The following EPN2 variants were observed in gnomAD, a reference collection of about 807,000 sequenced individuals.
EPN2 encodes the protein epsin-2.
In EPN2, 34 loss-of-function variants were observed where a neutral mutation model predicts 61.7. That is an observed-to-expected ratio of 0.55 (90% CI 0.42 to 0.73). EPN2 has a LOEUF of 0.73. EPN2 is among the 30% of genes least tolerant of loss of function. The pLI is 0.00. For synonymous variants in EPN2, 349 were observed against 353.6 expected (o/e 0.99, Z 0.15); for missense variants, 714 against 839.2 (o/e 0.85, Z 1.84).
At position 19,332,000 on chromosome 17, in the gene EPN2, T is replaced by A; in HGVS notation, c.1559T>A (p.Val520Glu). 8 of 1,613,924 alleles carry A rather than the reference T, an allele frequency of 5.0e-6. No homozygotes were observed. Among genetic ancestry groups the A allele is most frequent in the Non-Finnish European group, 6.8e-6 (8 of 1,180,004 alleles). ...ESFLGPNAALVNLDSLVTRPA... is the reference protein window; with the variant it reads ...ESFLGPNAALENLDSLVTRPA... ...TTCCTGGGCCCCAACGCGGCCCTGG[T>A]GAACCTGGACTCACTGGTGACCAGG... The change falls in exon 10 of 11, where the codon GTG (valine) becomes GAG (glutamate). Residue 520 changes from valine (V) to glutamate (E), a missense_variant. Val to Glu is a moderately radical substitution (Grantham distance 121). Transcript: ENST00000314728.
chr17:19,256,374 C>G (rs2045078672), intron 1 of EPN2, among the ~76,000 whole-genome samples: 1 of 144,262 alleles, frequency 6.9e-6, no homozygotes, highest in Non-Finnish European at 1.5e-5. Flanking sequence ...TTGCTTGAGA[C>G]CAGAAGTTTG....
At chr17:19,267,137 C>T (rs2045208118) in intron 1 of EPN2, among the ~76,000 whole-genome samples, 1 of 151,816 alleles carries the variant, frequency 6.6e-6, no homozygotes, top group South Asian at 2.1e-4. Context: ...CTGCGCCCGG[C>T]CTAAATGTTC....
chr17:19,276,773 G>GTTTTTTTTTTTTTTTTTTTTTTTTTT (rs80078595), intron 1 of EPN2, among the ~76,000 whole-genome samples: 13 of 119,322 alleles, frequency 1.1e-4, no homozygotes, highest in African/African-American at 4.6e-4. Flanking sequence ...ATGAGAATAA[G>GTTTTTTTTTTTTTTTTTTTTTTTTTT]TTTTTTTTTT....
rs1440418008 is a variant in EPN2, at chr17:19,335,596, A to G, written c.*1342A>G. The stretch of plus-strand genomic sequence containing the variant: ...TTCTGTGCCCACGGGTCCCTGGGCA[A>G]CAGTCCCTAGGCTAAGACAGGGGTG... On this transcript the variant is annotated 3_prime_UTR_variant, in exon 11 of 11. Coordinates refer to ENST00000314728, the MANE Select transcript of EPN2 (RefSeq NM_014964.5). 2.9e-5 allele frequency: 24 copies of G among 833,860 alleles called. 1 individual carries two copies. In the East Asian group the frequency reaches 7.3e-4, roughly 25 times the overall value. 51.7% of individuals were successfully genotyped at this position (833,860 alleles called of 1,614,324 possible).
chr17:19,289,934 A>G (rs1946627696), intron 4 of EPN2, among the ~76,000 whole-genome samples: 1 of 151,670 alleles, frequency 6.6e-6, no homozygotes, highest in Admixed American at 6.6e-5. Context: ...CATGTTGGCC[A>G]GGTCTTGAAC....
chr17:19,330,300 CTCTT>C (rs1298112610), intron 9 of EPN2, among the ~76,000 whole-genome samples: 3 of 152,204 alleles, frequency 2.0e-5, no homozygotes, highest in African/African-American at 7.2e-5. Context: ...GGCAACTTCT[CTCTT>C]TTTTTCTTTC....
intron 1 of EPN2, chr17:19,274,029 G>A (rs1427196219): frequency 6.6e-6 from 1 of 152,228 alleles, no homozygotes; most frequent in Non-Finnish European, 1.5e-5. Context: ...TGTAATGATC[G>A]TTGTACCCTT....
intron 1 of EPN2, among the ~76,000 whole-genome samples, chr17:19,267,085 T>C (rs1230333579): frequency 2.0e-5 from 3 of 149,444 alleles, no homozygotes; most frequent in East Asian, 2.1e-4. Flanking sequence ...GTGATCCGCC[T>C]GCCTCGGCCT....
chr17:19,314,609 A>G (rs915073722), intron 7 of EPN2, among the ~76,000 whole-genome samples: 6 of 152,320 alleles, frequency 3.9e-5, no homozygotes, highest in East Asian at 1.9e-4. Context: ...GTGAGTTCCA[A>G]TAGCTTGATG....
intron 1 of EPN2, among the ~76,000 whole-genome samples, chr17:19,254,255 G>A (rs2045049207): frequency 6.6e-6 from 1 of 151,728 alleles, no homozygotes; most frequent in African/African-American, 2.4e-5. Context: ...TATAACTGAA[G>A]TATAGTAAAT....
intron 1 of EPN2, among the ~76,000 whole-genome samples, chr17:19,275,357 T>C (rs528849498): frequency 6.6e-6 from 1 of 152,350 alleles, no homozygotes; most frequent in African/African-American, 2.4e-5. Context: ...AGCATGAGAA[T>C]TTCAGGGAAT....
At chr17:19,253,410 C>CT (rs59492982) in intron 1 of EPN2, among the ~76,000 whole-genome samples, 1,640 of 101,862 alleles carry the variant, frequency 0.016, 47 homozygotes, top group East Asian at 0.022. Context: ...TAAATAGTTG[C>CT]TTTTTTTTTT....
At chr17:19,265,342 T>TAG (rs2045184751) in intron 1 of EPN2, among the ~76,000 whole-genome samples, 1 of 149,466 alleles carries the variant, frequency 6.7e-6, no homozygotes, top group Admixed American at 6.7e-5. Context: ...TGTGCTACTG[T>TAG]ACTCCATCTT....
At chr17:19,316,053 C>G (rs995359818) in intron 7 of EPN2, among the ~76,000 whole-genome samples, 1 of 152,164 alleles carries the variant, frequency 6.6e-6, no homozygotes, top group African/African-American at 2.4e-5. Context: ...AATGTTATAG[C>G]GTGTGTCAGT....
At chr17:19,294,702 G>T (rs558777028) in intron 4 of EPN2, among the ~76,000 whole-genome samples, 1 of 152,188 alleles carries the variant, frequency 6.6e-6, no homozygotes, top group Non-Finnish European at 1.5e-5. Context: ...TAAATCACTA[G>T]CTCTCAAGCT....
rs1363524345 is a variant in EPN2 at position 19,245,223 on chromosome 17, CTGTG to C, written c.-294+7695_-294+7698del. On this transcript the variant is annotated intron_variant, in intron 1 of 10. Coordinates refer to ENST00000314728, the MANE Select transcript of EPN2 (RefSeq NM_014964.5). ...CTAGATGGCTTGACCCCAAGGAAGT[CTGTG>C]TGGGCTAGTAAGGGTTTTTGTGTTT... Among the ~76,000 whole-genome samples, 3 of 152,180 alleles carry C rather than the reference CTGTG, an allele frequency of 2.0e-5. 1 individual carries two copies. The highest frequency in any genetic ancestry group is 7.2e-5 in the African/African-American group (3 of 41,420).
chr17:19,243,580 A>G (rs1465893354), intron 1 of EPN2, among the ~76,000 whole-genome samples: 1 of 151,760 alleles, frequency 6.6e-6, no homozygotes, highest in East Asian at 1.9e-4. Flanking sequence ...TTTTTAATAG[A>G]GATGGGGTTT....
At chr17:19,257,398 A>G (rs192338311) in intron 1 of EPN2, among the ~76,000 whole-genome samples, 25 of 152,310 alleles carry the variant, frequency 1.6e-4, no homozygotes, top group Admixed American at 3.3e-4. Flanking sequence ...GAAAATTCGG[A>G]AAGTATGCCT....
Position 19,242,235 on chromosome 17 carries a change from T to G in EPN2, c.-294+4704T>G, listed in dbSNP as rs117538643. On this transcript the variant is annotated intron_variant, in intron 1 of 10. Coordinates refer to ENST00000314728, the MANE Select transcript of EPN2 (RefSeq NM_014964.5). The stretch of plus-strand genomic sequence containing the variant: ...GCGGATCACTTGAGGCCTAGAGTTT[T>G]TGAGACGAGTCTGGCCAGTATGGCA... 6.5e-3 allele frequency among the ~76,000 whole-genome samples: 990 copies of G among 152,000 alleles called. 53 individuals carry two copies. In the East Asian group the frequency reaches 0.12, roughly 18 times the overall value.
Sources: allele counts gnomAD v4.1 joint callset (sites outside exome capture counted in the v4.1 genomes callset), GRCh38; gene constraint gnomAD v4.1.1; transcripts MANE v1.5; gene names NCBI Gene and HGNC (gene_info 2026-07-23, HGNC 2026-07-21).